The following CHP1 variants were observed in gnomAD, a reference collection of about 807,000 sequenced individuals.
CHP1 encodes calcineurin like EF-hand protein 1.
CHP1 carries 11 observed loss-of-function variants against 27.4 expected under a neutral mutation model. The observed-to-expected ratio is 0.40, with a 90% confidence interval of 0.25 to 0.67. The LOEUF is 0.67. Among genes scored for constraint, CHP1 ranks in the 30% least tolerant of loss-of-function variants. The pLI is 0.38. For missense variants in CHP1, 169 were observed against 251.3 expected (o/e 0.67, Z 2.22); for synonymous variants, 89 against 87.4 (o/e 1.02, Z -0.10).
chr15:41,259,392 G>A (rs1433305768), intron 3 of CHP1, among the ~76,000 whole-genome samples: 1 of 152,178 alleles, frequency 6.6e-6, no homozygotes, highest in Non-Finnish European at 1.5e-5. Context: ...GAGTGCATAT[G>A]AGGAAGTGGA....
At chr15:41,245,854 G>A (rs1595472932) in intron 2 of CHP1, among the ~76,000 whole-genome samples, 1 of 152,110 alleles carries the variant, frequency 6.6e-6, no homozygotes. Flanking sequence ...TGTGCTTTTG[G>A]TATCATATAT....
rs138087403 is a variant in CHP1, at chr15:41,251,777, A to G, written c.141-5133A>G. On this transcript the variant is annotated intron_variant, in intron 2 of 6. Coordinates refer to ENST00000334660, the MANE Select transcript of CHP1 (RefSeq NM_007236.5). The stretch of plus-strand genomic sequence containing the variant: ...TCCATAAAACTGGTCCCTGGTCCCA[A>G]AAAGGCTGGGGATCGCTGCCAGCTG... Among the ~76,000 whole-genome samples, 469 of 151,724 alleles carry G rather than the reference A, an allele frequency of 3.1e-3. 3 individuals carry two copies. The highest frequency in any genetic ancestry group is 0.011 in the African/African-American group (445 of 41,350).
chr15:41,277,662 C>T (rs1210773665), intron 5 of CHP1, among the ~76,000 whole-genome samples: 1 of 152,110 alleles, frequency 6.6e-6, no homozygotes, highest in African/African-American at 2.4e-5. Flanking sequence ...GTGTCACATC[C>T]CTGTAATCCC....
intron 2 of CHP1, among the ~76,000 whole-genome samples, chr15:41,246,271 A>T (rs1595473076): frequency 6.6e-6 from 1 of 150,608 alleles, no homozygotes; most frequent in Non-Finnish European, 1.5e-5. Context: ...TGTTTTTATC[A>T]TGTTTGCTGT....
chr15:41,265,536 C>G (rs915988614), intron 4 of CHP1, among the ~76,000 whole-genome samples: 1 of 146,346 alleles, frequency 6.8e-6, no homozygotes, highest in Admixed American at 6.7e-5. Flanking sequence ...ATGGTGAAAC[C>G]CTGTCTGTAC....
chr15:41,243,805 T>C, intron 2 of CHP1, 66 bp downstream of exon 2: 1 of 1,389,246 alleles, frequency 7.2e-7, no homozygotes. Context: ...TCTGAATAGC[T>C]GCCTTTATCC....
chr15:41,253,656 G>A (rs548650709), intron 2 of CHP1, among the ~76,000 whole-genome samples: 23 of 151,050 alleles, frequency 1.5e-4, no homozygotes, highest in African/African-American at 5.3e-4. Context: ...GGGTTTCACC[G>A]TGTTAGCCAG....
chr15:41,249,610 C>G (rs531738529), intron 2 of CHP1, among the ~76,000 whole-genome samples: 1 of 151,624 alleles, frequency 6.6e-6, no homozygotes, highest in South Asian at 2.1e-4. Flanking sequence ...GTAGCTGGGA[C>G]TACAGGTGCC....
intron 1 of CHP1, among the ~76,000 whole-genome samples, chr15:41,237,382 A>AGATGATCT (rs1441666608): frequency 6.6e-6 from 1 of 152,206 alleles, no homozygotes; most frequent in Non-Finnish European, 1.5e-5. Context: ...TCCTAACCTC[A>AGATGATCT]GATGATCTGC....
chr15:41,270,586 G>A lies in CHP1; in HGVS notation c.379G>A (p.Asp127Asn), dbSNP rs2047483744. 3 of 1,614,066 alleles carry A rather than the reference G, an allele frequency of 1.9e-6. No individual in the cohort carries two copies. The highest frequency in any genetic ancestry group is 2.5e-6 in the Non-Finnish European group (3 of 1,179,932). ...TTTTCGACTATATGATTTGGATAAAGATGAAAAGATCTCCCGTGATGAGCT... is the reference window on the plus strand; with the variant it reads ...TTTTCGACTATATGATTTGGATAAAAATGAAAAGATCTCCCGTGATGAGCT... ...FAFRLYDLDKDEKISRDELLQ... is the reference protein window; with the variant it reads ...FAFRLYDLDKNEKISRDELLQ... Residue 127 changes from aspartate to asparagine, a missense_variant, in exon 5 of 7, where the codon GAT becomes AAT. Asp to Asn is a conservative substitution (Grantham distance 23). Transcript: ENST00000334660.
intron 5 of CHP1, among the ~76,000 whole-genome samples, chr15:41,275,923 C>T (rs1455959291): frequency 1.3e-5 from 2 of 152,084 alleles, no homozygotes; most frequent in Admixed American, 6.6e-5. Context: ...CCACCATGCC[C>T]GGCCCATGAA....
chr15:41,239,805 T>G (rs2047296696), intron 1 of CHP1, among the ~76,000 whole-genome samples: 1 of 149,218 alleles, frequency 6.7e-6, no homozygotes, highest in South Asian at 2.1e-4. Context: ...AGACAGAGTC[T>G]CCTCTCTGTC....
chr15:41,264,843 C>T (rs1231667116), intron 4 of CHP1, among the ~76,000 whole-genome samples: 1 of 152,152 alleles, frequency 6.6e-6, no homozygotes, highest in Non-Finnish European at 1.5e-5. Context: ...GTATAGGGAT[C>T]ACATTCATGT....
chr15:41,272,986 G>A (rs1012005914), intron 5 of CHP1, among the ~76,000 whole-genome samples: 1 of 151,984 alleles, frequency 6.6e-6, no homozygotes, highest in Non-Finnish European at 1.5e-5. Context: ...GAACCTAGGA[G>A]GCGGAGCTTG....
Position 41,243,639 on chromosome 15 carries a change from G to A in CHP1, c.68-28G>A, listed in dbSNP as rs377655359. The A allele has an allele frequency of 1.6e-5, 26 of 1,608,412 alleles. No homozygotes were observed. The Admixed American group carries it at 1.7e-4, about 10-fold the overall frequency. ...AGTGTGAATGAGGGCTACTTCCCCC[G>A]AGCTGGGACTAATTTTGTGCTCTTT... On this transcript the variant is annotated intron_variant, in intron 1 of 6. Coordinates refer to ENST00000334660, the MANE Select transcript of CHP1 (RefSeq NM_007236.5).
intron 4 of CHP1, among the ~76,000 whole-genome samples, chr15:41,268,917 A>G (rs1459721242): frequency 6.9e-6 from 1 of 144,262 alleles, no homozygotes; most frequent in African/African-American, 2.6e-5. Flanking sequence ...CTGAGATCCC[A>G]CCACTGCACT....
rs766080744 is a variant in CHP1, at chr15:41,279,435, C to G, written c.*46C>G. On this transcript the variant is annotated 3_prime_UTR_variant, in exon 7 of 7. Transcript: ENST00000334660. ...GCGGTCTAGTATTTAAGAACTGGAACTTGAAAGTCCTCCTTCTACCAACTC... is the reference window on the plus strand; with the variant it reads ...GCGGTCTAGTATTTAAGAACTGGAAGTTGAAAGTCCTCCTTCTACCAACTC... 2 of 1,509,072 alleles carry G rather than the reference C, an allele frequency of 1.3e-6. No homozygotes were observed. The highest frequency in any genetic ancestry group is 2.3e-5 in the South Asian group (2 of 88,498). 93.5% of individuals were successfully genotyped at this position (1,509,072 alleles called of 1,614,324 possible).
chr15:41,274,410 A>G (rs1368315806), intron 5 of CHP1, among the ~76,000 whole-genome samples: 4 of 152,138 alleles, frequency 2.6e-5, no homozygotes. Context: ...TTATTAACAG[A>G]TCGGATGAGA....
intron 1 of CHP1, among the ~76,000 whole-genome samples, chr15:41,233,767 C>T (rs2047263933): frequency 6.6e-6 from 1 of 152,028 alleles, no homozygotes; most frequent in Admixed American, 6.6e-5. Context: ...GGGCTGTCCT[C>T]ATGGAGGACA....
Sources: gnomAD v4.1 joint callset for allele counts (sites outside exome capture counted in the v4.1 genomes callset) on GRCh38, gnomAD v4.1.1 for gene constraint, MANE v1.5 for transcripts, NCBI Gene and HGNC (gene_info 2026-07-23, HGNC 2026-07-21) for gene names.